Variants in PTPRJ observed in about 807,000 individuals in gnomAD.
PTPRJ encodes the protein protein tyrosine phosphatase receptor type J, also known as receptor-type tyrosine-protein phosphatase eta.
PTPRJ carries 129 observed loss-of-function variants against 141.3 expected under a neutral mutation model. The observed-to-expected ratio is 0.91, with a 90% CI of 0.79 to 1.06. The LOEUF (loss-of-function observed/expected upper bound fraction) is 1.06. Among genes scored for constraint, PTPRJ ranks in the 50% least tolerant of loss-of-function variants. The pLI, the probability that PTPRJ is intolerant of heterozygous loss-of-function variation, is 0.00. For missense variants in PTPRJ, 1,601 were observed against 1,679.7 expected (o/e 0.95, Z 0.82); for synonymous variants, 610 against 640.5 (o/e 0.95, Z 0.72).
chr11:48,062,603 A>G (rs1854969764), intron 1 of PTPRJ, among the ~76,000 whole-genome samples: 1 of 152,204 alleles, frequency 6.6e-6, no homozygotes, highest in African/African-American at 2.4e-5. Flanking sequence ...TTGGCAGGTA[A>G]TTGAGCAACT....
intron 12 of PTPRJ, among the ~76,000 whole-genome samples, chr11:48,143,991 C>CT (rs1267098215): frequency 1.3e-5 from 2 of 151,866 alleles, no homozygotes; most frequent in African/African-American, 4.8e-5. Flanking sequence ...AGTGCTGGGA[C>CT]TAGACTACAG....
intron 1 of PTPRJ, among the ~76,000 whole-genome samples, chr11:48,080,340 C>T (rs922469415): frequency 6.6e-6 from 1 of 152,152 alleles, no homozygotes; most frequent in Non-Finnish European, 1.5e-5. Flanking sequence ...GTTTAATCTT[C>T]ACTACAACTA....
intron 1 of PTPRJ, among the ~76,000 whole-genome samples, chr11:48,109,436 C>G (rs1856383460): frequency 6.6e-6 from 1 of 152,176 alleles, no homozygotes; most frequent in South Asian, 2.1e-4. Flanking sequence ...CTGACACTGT[C>G]AGCTAAACCT....
At chr11:47,983,327 C>T (rs1402288579) in intron 1 of PTPRJ, among the ~76,000 whole-genome samples, 8 of 152,120 alleles carry the variant, frequency 5.3e-5, no homozygotes, top group South Asian at 2.1e-4. Context: ...GTTTAGGAAA[C>T]AAGTATGTGA....
At chr11:48,110,323 C>T (rs1856407054) in intron 2 of PTPRJ, among the ~76,000 whole-genome samples, 1 of 152,200 alleles carries the variant, frequency 6.6e-6, no homozygotes, top group Non-Finnish European at 1.5e-5. Flanking sequence ...TCTCCTGCCT[C>T]AGCCTAGCAA....
At chr11:48,102,882 C>T (rs1227135918) in intron 1 of PTPRJ, among the ~76,000 whole-genome samples, 3 of 152,146 alleles carry the variant, frequency 2.0e-5, no homozygotes. Flanking sequence ...ATTGCCAACT[C>T]TGACCCTCTC....
At chr11:48,005,045 A>C (rs1200080020) in intron 1 of PTPRJ, among the ~76,000 whole-genome samples, 2 of 151,932 alleles carry the variant, frequency 1.3e-5, no homozygotes, top group South Asian at 4.2e-4. Context: ...AACATGATGA[A>C]ACCCCGTCTC....
At chr11:48,093,544 C>G (rs752362968) in intron 1 of PTPRJ, among the ~76,000 whole-genome samples, 13 of 152,140 alleles carry the variant, frequency 8.5e-5, no homozygotes, top group Admixed American at 3.9e-4. Flanking sequence ...CTACACGTCT[C>G]TATGAGTCAG....
chr11:48,052,851 T>C (rs1247461227), intron 1 of PTPRJ, among the ~76,000 whole-genome samples: 1 of 151,678 alleles, frequency 6.6e-6, no homozygotes, highest in Non-Finnish European at 1.5e-5. Context: ...TAGTAATGGC[T>C]GAGCAGCTGT....
chr11:48,123,584 C>T (rs748012013), intron 4 of PTPRJ, 29 bp from the exon 5 acceptor site: 2 of 1,603,244 alleles, frequency 1.2e-6, no homozygotes, highest in Non-Finnish European at 1.7e-6. Context: ...TATCTTGTTC[C>T]ATTAATGCAT....
intron 1 of PTPRJ, among the ~76,000 whole-genome samples, chr11:48,034,443 T>C (rs1854068479): frequency 6.6e-6 from 1 of 152,192 alleles, no homozygotes; most frequent in Admixed American, 6.5e-5. Context: ...TATGAAAGCA[T>C]ACTATAGATA....
intron 1 of PTPRJ, among the ~76,000 whole-genome samples, chr11:48,093,935 T>C (rs1228818778): frequency 2.0e-5 from 3 of 152,114 alleles, no homozygotes; most frequent in South Asian, 2.1e-4. Flanking sequence ...AGACACATGA[T>C]TGTGGTTGGA....
chr11:48,057,108 A>G (rs1327252295), intron 1 of PTPRJ, among the ~76,000 whole-genome samples: 2 of 152,190 alleles, frequency 1.3e-5, no homozygotes, highest in Admixed American at 6.5e-5. Context: ...CCTACCGCAG[A>G]GTGACTGACT....
At chr11:47,985,433 A>G (rs1413953702) in intron 1 of PTPRJ, among the ~76,000 whole-genome samples, 1 of 152,132 alleles carries the variant, frequency 6.6e-6, no homozygotes, top group Admixed American at 6.5e-5. Context: ...GGCATGAACC[A>G]CTGCACCCAG....
At chr11:48,035,809 G>C (rs1368568538) in intron 1 of PTPRJ, among the ~76,000 whole-genome samples, 1 of 152,078 alleles carries the variant, frequency 6.6e-6, no homozygotes, top group Non-Finnish European at 1.5e-5. Flanking sequence ...TTAGAGCATG[G>C]AATTAAGTTG....
At chr11:48,084,376 G>A in intron 1 of PTPRJ, among the ~76,000 whole-genome samples, 1 of 152,100 alleles carries the variant, frequency 6.6e-6, no homozygotes, top group East Asian at 1.9e-4. Flanking sequence ...CAGAGACGGG[G>A]TTTTACCATG....
intron 1 of PTPRJ, among the ~76,000 whole-genome samples, chr11:48,055,190 T>TAA (rs528706449): frequency 6.9e-6 from 1 of 144,668 alleles, no homozygotes; most frequent in Non-Finnish European, 1.5e-5. Context: ...CATCTCTAAA[T>TAA]AAAAAAAAAA....
chr11:48,000,618 C>A (rs1056719329), intron 1 of PTPRJ, among the ~76,000 whole-genome samples: 21 of 152,110 alleles, frequency 1.4e-4, no homozygotes, highest in Admixed American at 1.2e-3. Context: ...GCTACCCACT[C>A]CCTGTTCACA....
At chr11:48,036,766 G>C (rs1854135171) in intron 1 of PTPRJ, among the ~76,000 whole-genome samples, 1 of 152,166 alleles carries the variant, frequency 6.6e-6, no homozygotes, top group Admixed American at 6.5e-5. Context: ...TCTTTATACT[G>C]ATGTGAGTTC....
Sources: allele counts gnomAD v4.1 joint callset (sites outside exome capture counted in the v4.1 genomes callset), GRCh38; gene constraint gnomAD v4.1.1; transcripts MANE v1.5; gene names NCBI Gene and HGNC (gene_info 2026-07-23, HGNC 2026-07-21).